The following MINDY4B variants were observed in gnomAD, a reference collection of about 807,000 sequenced individuals.
The protein encoded by MINDY4B is inactive ubiquitin carboxyl-terminal hydrolase MINDY-4B.
A neutral mutation model predicts 16.7 loss-of-function variants in MINDY4B; 25 were observed. That is an observed-to-expected ratio of 1.49 (90% confidence interval 1.09 to 2.09). The LOEUF is 2.09. Among genes scored for constraint, MINDY4B ranks in the 30% most tolerant of loss-of-function variants. MINDY4B has a pLI of 0.00. For synonymous variants in MINDY4B, 132 were observed against 61.9 expected (o/e 2.13, Z -5.32); for missense variants, 327 against 168.4 (o/e 1.94, Z -5.21).
At chr3:150,892,653 T>C (rs1239067837) in intron 5 of MINDY4B, among the ~76,000 whole-genome samples, 1 of 151,880 alleles carries the variant, frequency 6.6e-6, no homozygotes, top group Non-Finnish European at 1.5e-5. Context: ...CCTGGTTAAA[T>C]AGGAGGATTG....
chr3:150,893,698 G>GTTT (rs1342927734), intron 4 of MINDY4B, among the ~76,000 whole-genome samples: 4 of 52,368 alleles, frequency 7.6e-5, no homozygotes, highest in African/African-American at 1.4e-4. Flanking sequence ...TTTTTTTTTG[G>GTTT]GGGGGGGGGT....
chr3:150,874,630 A>G (rs1173561891), intron 10 of MINDY4B, among the ~76,000 whole-genome samples: 1 of 152,224 alleles, frequency 6.6e-6, no homozygotes, highest in African/African-American at 2.4e-5. Flanking sequence ...TTCTTCCTGT[A>G]ACTGAAGAGA....
chr3:150,879,263 G>T (rs956401546), intron 10 of MINDY4B, among the ~76,000 whole-genome samples: 1 of 151,994 alleles, frequency 6.6e-6, no homozygotes, highest in East Asian at 1.9e-4. Context: ...TAAAGCAGAG[G>T]TTCTCAACTA....
At chr3:150,887,655 G>A (rs1559966524) in intron 7 of MINDY4B, among the ~76,000 whole-genome samples, 1 of 152,180 alleles carries the variant, frequency 6.6e-6, no homozygotes, top group Non-Finnish European at 1.5e-5. Context: ...ATTCAAATTT[G>A]TAAAAAGCAA....
intron 5 of MINDY4B, 55 bp downstream of exon 5, chr3:150,893,269 C>T: frequency 2.9e-6 from 2 of 700,540 alleles, no homozygotes; most frequent in South Asian, 3.0e-5. Flanking sequence ...GATTATTTAG[C>T]ATATCAAGAT....
intron 5 of MINDY4B, among the ~76,000 whole-genome samples, chr3:150,892,047 A>G (rs1476680662): frequency 6.6e-6 from 1 of 152,170 alleles, no homozygotes; most frequent in Non-Finnish European, 1.5e-5. Flanking sequence ...TTTACTTAGG[A>G]GATGGACTCA....
In MINDY4B at chr3:150,905,080, G is replaced by T; in HGVS notation, c.123C>A (p.Thr41=). The T allele has an allele frequency of 5.0e-6, 2 of 398,454 alleles. No individual in the cohort carries two copies. The highest frequency in any genetic ancestry group is 8.9e-6 in the Non-Finnish European group (2 of 225,982). 24.7% of individuals were successfully genotyped at this position (398,454 alleles called of 1,614,324 possible). A position where few individuals can be genotyped will look rare whatever the true frequency, so the allele number is the denominator to read the frequency against. ...TAATTACCTGAGGAGTTGAATTATT[G>T]GTTCCCAACCTTTAAATGAAAGAGA... ...REIFSYHRLG[T]NNSTPQNHEG... is the part of the protein sequence containing the mutation. Residue 41 remains threonine (T), a synonymous_variant, in exon 2 of 12, where the codon ACC becomes ACA. Coordinates refer to ENST00000465419, the MANE Select transcript of MINDY4B (RefSeq NM_001351281.2).
intron 5 of MINDY4B, among the ~76,000 whole-genome samples, chr3:150,893,015 G>A (rs1266173148): frequency 6.6e-6 from 1 of 151,868 alleles, no homozygotes; most frequent in African/African-American, 2.4e-5. Flanking sequence ...TAATTATTAG[G>A]TTAGAGCTTT....
intron 10 of MINDY4B, 132 bp from the exon 11 acceptor site, chr3:150,873,499 A>C: frequency 1.8e-6 from 1 of 552,676 alleles, no homozygotes; most frequent in Non-Finnish European, 3.2e-6. Context: ...GGCACTGTAC[A>C]TAGAGCAAGA....
chr3:150,890,534 C>T lies in MINDY4B; in HGVS notation c.688-149G>A, dbSNP rs371016181. ...ACTGACATACTATCTTATGCAAGGCCATGCAAAACATAAACAGTGCAACTG... is the reference window on the plus strand; with the variant it reads ...ACTGACATACTATCTTATGCAAGGCTATGCAAAACATAAACAGTGCAACTG... On this transcript the variant is annotated intron_variant, in intron 6 of 11. Coordinates refer to ENST00000465419, the MANE Select transcript of MINDY4B (RefSeq NM_001351281.2). The T allele has an allele frequency of 4.1e-5, 20 of 488,156 alleles. No individual in the cohort carries two copies. In the South Asian group the frequency reaches 7.6e-4, roughly 19 times the overall value. The allele number at this position is 488,156 out of a possible 1,614,324, so 30.2% of individuals were successfully genotyped here. A position where few individuals can be genotyped will look rare whatever the true frequency, so the allele number is the denominator to read the frequency against.
At chr3:150,880,158 G>A (rs1307332449) in intron 10 of MINDY4B, among the ~76,000 whole-genome samples, 1 of 152,252 alleles carries the variant, frequency 6.6e-6, no homozygotes, top group Non-Finnish European at 1.5e-5. Context: ...TGTAAGTGAG[G>A]AAACAGGCTC....
intron 1 of MINDY4B, 40 bp downstream of exon 1, chr3:150,905,287 C>T (rs1045378557): frequency 7.5e-6 from 3 of 398,186 alleles, no homozygotes; most frequent in African/African-American, 2.1e-5. Context: ...ACGGAAAATT[C>T]CTTTGTTTCT....
intron 5 of MINDY4B, among the ~76,000 whole-genome samples, chr3:150,891,862 A>T (rs1160398450): frequency 6.6e-6 from 1 of 152,090 alleles, no homozygotes; most frequent in Non-Finnish European, 1.5e-5. Context: ...AACACGGGAA[A>T]TAGAGACACC....
rs188263799 is a variant in MINDY4B, at chr3:150,872,310, A to T, written c.1240+877T>A. Among the ~76,000 whole-genome samples the T allele has an allele frequency of 5.3e-5, 8 of 152,360 alleles. No individual in the cohort carries two copies. The East Asian group carries it at 7.7e-4, about 15-fold the overall frequency. On this transcript the variant is annotated intron_variant, in intron 11 of 11. Coordinates refer to ENST00000465419, the MANE Select transcript of MINDY4B (RefSeq NM_001351281.2). ...ATGTATTTCTCATAATTAAAGAAAA[A>T]GAATTAGGAGCTGCACAAATAAAAT...
At chr3:150,885,570 C>T in intron 7 of MINDY4B, 132 bp from the exon 8 acceptor site, 3 of 643,468 alleles carry the variant, frequency 4.7e-6, no homozygotes, top group Non-Finnish European at 8.3e-6. Flanking sequence ...ATGAGCTCCT[C>T]TGCCTCCATA....
intron 3 of MINDY4B, among the ~76,000 whole-genome samples, chr3:150,899,647 T>C (rs1049900865): frequency 6.6e-6 from 1 of 152,164 alleles, no homozygotes; most frequent in African/African-American, 2.4e-5. Context: ...GGGGGCACCC[T>C]GCTGATGGAG....
chr3:150,897,977 A>G (rs1221214828), intron 3 of MINDY4B, among the ~76,000 whole-genome samples: 1 of 152,216 alleles, frequency 6.6e-6, no homozygotes, highest in Non-Finnish European at 1.5e-5. Context: ...CTCAAGGGCA[A>G]AGAAGCCCCA....
intron 3 of MINDY4B, among the ~76,000 whole-genome samples, chr3:150,898,741 G>T (rs1284640941): frequency 6.6e-6 from 1 of 152,082 alleles, no homozygotes; most frequent in Non-Finnish European, 1.5e-5. Flanking sequence ...CTGGCACTTT[G>T]TTCCATTTGA....
chr3:150,871,215 C>T, intron 11 of MINDY4B, 28 bp from the exon 12 acceptor site: 1 of 699,990 alleles, frequency 1.4e-6, no homozygotes, highest in Non-Finnish European at 2.6e-6. Context: ...AGCATTTAGA[C>T]CCAAGCCTAT....
Sources: gnomAD v4.1 joint callset for allele counts (sites outside exome capture counted in the v4.1 genomes callset) on GRCh38, gnomAD v4.1.1 for gene constraint, MANE v1.5 for transcripts, NCBI Gene and HGNC (gene_info 2026-07-23, HGNC 2026-07-21) for gene names.